The following SNTG2 variants were observed in gnomAD, a reference collection of about 807,000 sequenced individuals.
The protein encoded by SNTG2 is syntrophin gamma 2.
Under a neutral mutation model 70.9 loss-of-function variants are expected in SNTG2, and 74 were observed. The ratio of observed to expected loss-of-function variants is 1.04; its 90% CI spans 0.86 to 1.27. The LOEUF (loss-of-function observed/expected upper bound fraction) is 1.27, where lower values mean the gene tolerates loss of function less well. Among genes scored for constraint, SNTG2 ranks in the 50% most tolerant of loss-of-function variants. The pLI, the probability that SNTG2 is intolerant of heterozygous loss-of-function variation, is 0.00. For missense variants in SNTG2, 717 were observed against 690.7 expected, an observed-to-expected ratio of 1.04 and a Z score of -0.43; for synonymous variants, 278 against 273.8, an observed-to-expected ratio of 1.02 and a Z score of -0.15.
chr2:991,805 T>C (rs574709585), intron 1 of SNTG2, among the ~76,000 whole-genome samples: 1 of 152,286 alleles, frequency 6.6e-6, no homozygotes, highest in Non-Finnish European at 1.5e-5. Context: ...GCAAATTCAT[T>C]CTCGGTTCAT....
intron 9 of SNTG2, among the ~76,000 whole-genome samples, chr2:1,218,922 C>G (rs111924987): frequency 6.6e-6 from 1 of 152,040 alleles, no homozygotes; most frequent in East Asian, 1.9e-4. Context: ...TAAAACTGTA[C>G]GTTTAAAGGA....
intron 13 of SNTG2, chr2:1,262,784 G>T (rs1363226075): frequency 1.3e-5 from 2 of 151,650 alleles, no homozygotes; most frequent in African/African-American, 4.8e-5. Context: ...CCGTGCAGAC[G>T]AGGTAACCGG....
chr2:991,407 A>ACACACACACACACACACACT (rs1553305482), intron 1 of SNTG2, among the ~76,000 whole-genome samples: 1 of 151,122 alleles, frequency 6.6e-6, no homozygotes, highest in Non-Finnish European at 1.5e-5. Flanking sequence ...ACACACACAC[A>ACACACACACACACACACACT]ATTATGACTT....
chr2:1,366,814 C>T (rs144274163), intron 16 of SNTG2, among the ~76,000 whole-genome samples: 62 of 152,370 alleles, frequency 4.1e-4, no homozygotes, highest in Non-Finnish European at 6.5e-4. Flanking sequence ...CCACATGCAC[C>T]CACACAGCAG....
At chr2:955,567 A>T (rs980747343) in intron 1 of SNTG2, among the ~76,000 whole-genome samples, 3 of 152,248 alleles carry the variant, frequency 2.0e-5, no homozygotes, top group Non-Finnish European at 4.4e-5. Context: ...AAAATAGTTT[A>T]AATGACAAAT....
At position 987,865 on chromosome 2, in the gene SNTG2, G is replaced by A. The variant is rs1485554490; in HGVS notation, c.72+36797G>A. Reference sequence around the variant, plus strand: ...TCTGGAGATGTGGAAGGAAGGCCGCGCAGCCTTGCCCATCACCAGCGCTCT... The same window carrying A: ...TCTGGAGATGTGGAAGGAAGGCCGCACAGCCTTGCCCATCACCAGCGCTCT... On this transcript the variant is annotated intron_variant, in intron 1 of 16. Transcript: ENST00000308624. Among the ~76,000 whole-genome samples, 7 of 152,110 alleles carry A rather than the reference G, an allele frequency of 4.6e-5. 1 individual carries two copies. The highest frequency in any genetic ancestry group is 4.1e-4 in the South Asian group (2 of 4,822).
chr2:1,225,929 C>T (rs770496547), intron 9 of SNTG2, among the ~76,000 whole-genome samples: 30 of 151,854 alleles, frequency 2.0e-4, no homozygotes, highest in South Asian at 4.2e-4. Flanking sequence ...TAACACCAGC[C>T]GTGTATTCAG....
At chr2:1,093,140 G>A (rs1448029523) in intron 2 of SNTG2, among the ~76,000 whole-genome samples, 1 of 152,174 alleles carries the variant, frequency 6.6e-6, no homozygotes, top group Non-Finnish European at 1.5e-5. Flanking sequence ...ATGGAATAGG[G>A]GAGTCAGGCC....
chr2:997,655 T>A (rs1661731871), intron 1 of SNTG2, among the ~76,000 whole-genome samples: 1 of 152,188 alleles, frequency 6.6e-6, no homozygotes, highest in Non-Finnish European at 1.5e-5. Flanking sequence ...CTTGCATTTC[T>A]ACATAGTGTG....
At chr2:1,221,842 T>C (rs1472164820) in intron 9 of SNTG2, among the ~76,000 whole-genome samples, 1 of 27,106 alleles carries the variant, frequency 3.7e-5, no homozygotes. Context: ...TCTCTCTCTG[T>C]CTCTGTCTCT....
chr2:979,892 G>A (rs965537998), intron 1 of SNTG2, among the ~76,000 whole-genome samples: 3 of 74,018 alleles, frequency 4.1e-5, no homozygotes, highest in African/African-American at 1.6e-4. Context: ...TATAATTTAA[G>A]TTATGTTAAA....
At chr2:1,165,053 A>ATTTGAAACT (rs1486958688) in intron 6 of SNTG2, among the ~76,000 whole-genome samples, 4 of 152,230 alleles carry the variant, frequency 2.6e-5, no homozygotes, top group Non-Finnish European at 5.9e-5. Flanking sequence ...AGTTTGTATA[A>ATTTGAAACT]TTTGAAACTC....
intron 1 of SNTG2, among the ~76,000 whole-genome samples, chr2:955,282 C>T (rs1402730851): frequency 1.3e-5 from 2 of 152,246 alleles, no homozygotes; most frequent in Non-Finnish European, 2.9e-5. Flanking sequence ...TGAGTATCAA[C>T]TCTGGGAGTT....
intron 16 of SNTG2, among the ~76,000 whole-genome samples, chr2:1,350,230 ACT>A (rs1660506119): frequency 6.6e-6 from 1 of 151,804 alleles, no homozygotes; most frequent in Admixed American, 6.6e-5. Flanking sequence ...AGGGGAACTG[ACT>A]CTGCAGAGGG....
intron 7 of SNTG2, among the ~76,000 whole-genome samples, chr2:1,168,889 C>T (rs1405404725): frequency 6.6e-6 from 1 of 152,166 alleles, no homozygotes; most frequent in Admixed American, 6.5e-5. Context: ...AGAGGCAGAA[C>T]ATGTTAGCAA....
intron 1 of SNTG2, among the ~76,000 whole-genome samples, chr2:1,054,512 C>G (rs757269402): frequency 9.9e-5 from 15 of 152,172 alleles, no homozygotes; most frequent in Non-Finnish European, 1.9e-4. Context: ...GGTTTTGTCA[C>G]TCTTCCTAGC....
At chr2:962,690 G>A (rs973823876) in intron 1 of SNTG2, among the ~76,000 whole-genome samples, 4 of 152,058 alleles carry the variant, frequency 2.6e-5, no homozygotes, top group African/African-American at 9.7e-5. Context: ...ATAATAAATC[G>A]AATATGTTTT....
At chr2:1,217,063 T>G (rs140536154) in intron 9 of SNTG2, among the ~76,000 whole-genome samples, 2 of 152,156 alleles carry the variant, frequency 1.3e-5, no homozygotes, top group Non-Finnish European at 2.9e-5. Flanking sequence ...CCTTGGGTCT[T>G]TTCTTTTGTT....
intron 1 of SNTG2, among the ~76,000 whole-genome samples, chr2:992,776 C>G (rs2147979394): frequency 6.6e-6 from 1 of 152,326 alleles, no homozygotes; most frequent in East Asian, 1.9e-4. Context: ...CTGTCCAAAT[C>G]TTTATTCCCA....
Sources: gnomAD v4.1 joint callset for allele counts (sites outside exome capture counted in the v4.1 genomes callset) on GRCh38, gnomAD v4.1.1 for gene constraint, MANE v1.5 for transcripts, NCBI Gene and HGNC (gene_info 2026-07-23, HGNC 2026-07-21) for gene names.